Variants in SCOC observed in about 807,000 individuals in gnomAD.
The protein encoded by SCOC is short coiled coil protein.
Under a neutral mutation model 9.9 loss-of-function variants are expected in SCOC, and 7 were observed. The observed-to-expected ratio is 0.71, with a 90% CI of 0.40 to 1.33. SCOC has a LOEUF of 1.33. Among genes scored for constraint, SCOC ranks in the 40% most tolerant of loss-of-function variants. SCOC has a pLI of 0.01. For synonymous variants in SCOC, 19 were observed against 28.2 expected (o/e 0.67, Z 1.03); for missense variants, 66 against 89.7 (o/e 0.74, Z 1.07).
At chr4:140,379,759 T>G in intron 3 of SCOC, 107 bp downstream of exon 3, 1 of 760,856 alleles carries the variant, frequency 1.3e-6, no homozygotes, top group Non-Finnish European at 2.2e-6. Context: ...TTTAAAAGAA[T>G]GAACTTCAAA....
intron 2 of SCOC, chr4:140,366,956 AGCACTTTGGGAG>A (rs1727828986): frequency 2.0e-6 from 1 of 493,352 alleles, no homozygotes; most frequent in Admixed American, 3.3e-5. Context: ...ATGTAATCCC[AGCACTTTGGGAG>A]GCCCAGGTGG....
At position 140,383,102 on chromosome 4, in the gene SCOC, G is replaced by A. The variant is rs542619312; in HGVS notation, c.*1998G>A. The A allele has an allele frequency of 1.3e-5, 2 of 152,362 alleles. No homozygotes were observed. Among genetic ancestry groups the A allele is most frequent in the South Asian group, 4.1e-4 (2 of 4,832 alleles). The allele number at this position is 152,362 out of a possible 1,614,324, so 9.4% of individuals were successfully genotyped here. On this transcript the variant is annotated 3_prime_UTR_variant, in exon 4 of 4. Transcript: ENST00000608372. ...TCATATATCTTCTCATATTCCAGTG[G>A]TGTGGAGACTTAGTTACATCTAGAT... is the stretch of plus-strand genomic sequence containing the variant.
chr4:140,367,940 T>C lies in SCOC; in HGVS notation c.71-11181T>C, dbSNP rs549870699. ...CCATTCACTTAACTCACTGGTAGTG[T>C]TGTTTGATAAAGTTCTTAATGTTAT... On this transcript the variant is annotated intron_variant, in intron 2 of 4. Transcript: ENST00000338517. Among the ~76,000 whole-genome samples the C allele has an allele frequency of 3.3e-5, 5 of 152,296 alleles. No individual in the cohort carries two copies. The East Asian group carries it at 9.6e-4, about 29-fold the overall frequency.
chr4:140,310,103 C>T (rs1317022101), intron 1 of SCOC, among the ~76,000 whole-genome samples: 1 of 152,144 alleles, frequency 6.6e-6, no homozygotes, highest in African/African-American at 2.4e-5. Flanking sequence ...AATAATCTTC[C>T]CTAAAATATG....
At chr4:140,261,593 C>T (rs1322619491) in intron 1 of SCOC, among the ~76,000 whole-genome samples, 1 of 152,220 alleles carries the variant, frequency 6.6e-6, no homozygotes, top group African/African-American at 2.4e-5. Context: ...AAGGCACTTG[C>T]TAAATGATGT....
chr4:140,324,718 TG>T (rs1266082788), intron 1 of SCOC, among the ~76,000 whole-genome samples: 1 of 152,124 alleles, frequency 6.6e-6, no homozygotes, highest in African/African-American at 2.4e-5. Flanking sequence ...ACTGTGTTCA[TG>T]ATTTGGAAGC....
At chr4:140,371,140 C>T (rs1382223523), upstream of SCOC, among the ~76,000 whole-genome samples, 1 of 152,148 alleles carries the variant, frequency 6.6e-6, no homozygotes, top group Non-Finnish European at 1.5e-5. Flanking sequence ...CCGCCTCGAC[C>T]TCCCAAAGTG....
chr4:140,280,503 T>C (rs752515011), intron 1 of SCOC, among the ~76,000 whole-genome samples: 2 of 152,178 alleles, frequency 1.3e-5, no homozygotes, highest in Non-Finnish European at 2.9e-5. Flanking sequence ...ATTGTCTTGT[T>C]TCTCTTTATG....
intron 2 of SCOC, among the ~76,000 whole-genome samples, chr4:140,368,500 T>G (rs918532214): frequency 6.6e-5 from 10 of 152,208 alleles, no homozygotes; most frequent in African/African-American, 2.4e-4. Context: ...ATAAGGACTG[T>G]AAACCAAAAA....
At chr4:140,362,327 G>C (rs576643512) in intron 2 of SCOC, among the ~76,000 whole-genome samples, 1 of 7,584 alleles carries the variant, frequency 1.3e-4, no homozygotes, top group African/African-American at 5.4e-4. Context: ...TGAGAGTCTC[G>C]CTCTGCTGCC....
chr4:140,268,136 T>A, intron 1 of SCOC, among the ~76,000 whole-genome samples: 1 of 152,212 alleles, frequency 6.6e-6, no homozygotes, highest in East Asian at 1.9e-4. Context: ...AAGAGAGGCA[T>A]CAGTGGCACC....
intron 1 of SCOC, among the ~76,000 whole-genome samples, chr4:140,257,971 C>A (rs1730547589): frequency 6.6e-6 from 1 of 152,236 alleles, no homozygotes; most frequent in African/African-American, 2.4e-5. Context: ...CTGGCAGAAA[C>A]TCCAATCCCA....
At chr4:140,287,157 A>G (rs1282792007) in intron 1 of SCOC, among the ~76,000 whole-genome samples, 1 of 151,800 alleles carries the variant, frequency 6.6e-6, no homozygotes, top group Non-Finnish European at 1.5e-5. Context: ...CACACAGACC[A>G]TGTACATACA....
intron 1 of SCOC, among the ~76,000 whole-genome samples, chr4:140,271,318 G>T (rs1730840414): frequency 6.6e-6 from 1 of 152,184 alleles, no homozygotes; most frequent in Non-Finnish European, 1.5e-5. Context: ...TGATCACAAG[G>T]CTCAAAGGCA....
At chr4:140,377,462 T>C (rs1728391419) in intron 1 of SCOC, among the ~76,000 whole-genome samples, 1 of 152,246 alleles carries the variant, frequency 6.6e-6, no homozygotes, top group African/African-American at 2.4e-5. Flanking sequence ...GGACAGATGC[T>C]AGAAGACTTG....
chr4:140,343,267 T>C (rs1233954656), upstream of SCOC, among the ~76,000 whole-genome samples: 3 of 152,210 alleles, frequency 2.0e-5, no homozygotes, highest in African/African-American at 2.4e-5. Context: ...ATGTTAATCA[T>C]ATAAAGTCAA....
At chr4:140,379,932 G>A (rs1039874717) in intron 3 of SCOC, among the ~76,000 whole-genome samples, 13 of 152,056 alleles carry the variant, frequency 8.5e-5, no homozygotes, top group African/African-American at 1.7e-4. Flanking sequence ...TACTAAGTCC[G>A]CTTTAATAAA....
At chr4:140,348,928 G>C (rs1159608662) in intron 2 of SCOC, among the ~76,000 whole-genome samples, 1 of 152,034 alleles carries the variant, frequency 6.6e-6, no homozygotes, top group Non-Finnish European at 1.5e-5. Flanking sequence ...GTTATCTCAT[G>C]GTGGTTTTAA....
intron 1 of SCOC, among the ~76,000 whole-genome samples, chr4:140,325,780 T>A (rs1732626422): frequency 6.6e-6 from 1 of 152,134 alleles, no homozygotes; most frequent in South Asian, 2.1e-4. Flanking sequence ...AAATTTCTTA[T>A]AAAGTTAAAC....
Sources: gnomAD v4.1 joint callset for allele counts (sites outside exome capture counted in the v4.1 genomes callset) on GRCh38, gnomAD v4.1.1 for gene constraint, MANE v1.5 for transcripts, NCBI Gene and HGNC (gene_info 2026-07-23, HGNC 2026-07-21) for gene names.